Variants in STX18 observed in about 807,000 individuals in gnomAD.
STX18 encodes the protein syntaxin-18.
A neutral mutation model predicts 50.1 loss-of-function variants in STX18; 40 were observed. That is an observed-to-expected ratio of 0.80 (90% CI 0.62 to 1.04). STX18 has a LOEUF of 1.04. Ranked by LOEUF, STX18 falls within the 50% of genes least tolerant of loss-of-function variation. STX18 has a pLI of 0.00. For missense variants in STX18, 410 were observed against 415.8 expected (o/e 0.99, Z 0.12); for synonymous variants, 158 against 151.8 (o/e 1.04, Z -0.30).
At position 4,420,265 on chromosome 4, in the gene STX18, TG is replaced by T. The variant is rs1445488784; in HGVS notation, c.913-137del. 14 of 649,622 alleles carry T rather than the reference TG, an allele frequency of 2.2e-5. No homozygotes were observed. The East Asian group carries it at 3.9e-4, about 18-fold the overall frequency. The allele number at this position is 649,622 out of a possible 1,614,324, so 40.2% of individuals were successfully genotyped here. On this transcript the variant is annotated intron_variant, in intron 10 of 10. Coordinates refer to ENST00000306200, the MANE Select transcript of STX18 (RefSeq NM_016930.4). This position sits in a 1 kb window ranked among gnomAD's most constrained non-coding sequence, Gnocchi z 4.3. The stretch of plus-strand genomic sequence containing the variant: ...GGTGTCGTTCCATCTGTGCTTACCT[TG>T]AATAGATGGCTTTTGAGATCCACCA...
intron 1 of STX18, among the ~76,000 whole-genome samples, chr4:4,528,860 C>T (rs1258997477): frequency 1.3e-5 from 2 of 151,684 alleles, no homozygotes; most frequent in Non-Finnish European, 2.9e-5. Context: ...AAAGCCATCT[C>T]AGCTCCAGAG....
intron 5 of STX18, among the ~76,000 whole-genome samples, chr4:4,448,936 A>G (rs1303803439): frequency 6.6e-6 from 1 of 152,098 alleles, no homozygotes; most frequent in Non-Finnish European, 1.5e-5. Flanking sequence ...TCCTTCCAAC[A>G]ATATCTACTA....
At chr4:4,491,063 C>T (rs191724172) in intron 1 of STX18, among the ~76,000 whole-genome samples, 6 of 151,740 alleles carry the variant, frequency 4.0e-5, no homozygotes, top group African/African-American at 1.4e-4. Flanking sequence ...GTTGTTCAAA[C>T]ATTCGGCTTA....
chr4:4,489,142 T>C (rs986213890), intron 1 of STX18, among the ~76,000 whole-genome samples: 6 of 152,150 alleles, frequency 3.9e-5, no homozygotes, highest in South Asian at 2.1e-4. Flanking sequence ...TAACAAGATA[T>C]ATGTCCTTGC....
intron 1 of STX18, among the ~76,000 whole-genome samples, chr4:4,530,277 A>C (rs1388521097): frequency 6.6e-6 from 1 of 152,078 alleles, no homozygotes; most frequent in Non-Finnish European, 1.5e-5. Context: ...GTTCCCTTCC[A>C]GTCATTTCCA....
At chr4:4,453,019 C>T (rs1726848421) in intron 5 of STX18, among the ~76,000 whole-genome samples, 2 of 152,122 alleles carry the variant, frequency 1.3e-5, no homozygotes, top group South Asian at 4.2e-4. Flanking sequence ...TGCAATCTCA[C>T]GATCACACTT....
intron 1 of STX18, among the ~76,000 whole-genome samples, chr4:4,474,468 A>G (rs1464214055): frequency 1.3e-5 from 2 of 152,184 alleles, no homozygotes; most frequent in African/African-American, 4.8e-5. Flanking sequence ...CCCCAGGCCC[A>G]TCCCCCTGTA....
intron 1 of STX18, among the ~76,000 whole-genome samples, chr4:4,491,117 TA>T (rs146689302): frequency 0.052 from 7,503 of 145,272 alleles, 568 homozygotes; most frequent in African/African-American, 0.17. Context: ...TCTTGTCTCT[TA>T]AAAAAAAAAA....
intron 1 of STX18, among the ~76,000 whole-genome samples, chr4:4,475,702 G>T (rs1029402546): frequency 6.6e-6 from 1 of 152,180 alleles, no homozygotes; most frequent in African/African-American, 2.4e-5. Context: ...GGCAAAGACC[G>T]CATATTATAG....
At chr4:4,429,102 C>A (rs1464400849) in intron 7 of STX18, among the ~76,000 whole-genome samples, 2 of 152,174 alleles carry the variant, frequency 1.3e-5, no homozygotes, top group Non-Finnish European at 2.9e-5. Context: ...CAGCCTAGGA[C>A]TTGGGACCTA....
chr4:4,455,646 A>G (rs757850803), intron 5 of STX18, among the ~76,000 whole-genome samples: 26 of 152,100 alleles, frequency 1.7e-4, no homozygotes, highest in Non-Finnish European at 2.8e-4. Context: ...TCCTCCTGGG[A>G]GTCTAGAGTT....
chr4:4,459,062 G>GCACGCACACACA (rs1553837175), intron 3 of STX18, among the ~76,000 whole-genome samples: 9 of 144,282 alleles, frequency 6.2e-5, no homozygotes, highest in South Asian at 4.5e-4. Context: ...ACACACACAC[G>GCACGCACACACA]CACACACACA....
chr4:4,493,056 G>T (rs952664340), intron 1 of STX18, among the ~76,000 whole-genome samples: 1 of 152,094 alleles, frequency 6.6e-6, no homozygotes, highest in Non-Finnish European at 1.5e-5. Context: ...AAAAGATATT[G>T]CTGATCATGT....
chr4:4,420,087 A>G lies in STX18; in HGVS notation c.955T>C (p.Phe319Leu). Reference sequence around the variant, plus strand: ...AAGGAGAAGGAGCACATCACGAGGAAGAAGAGGATCCACACGCGGAAGCCA... The same window carrying G: ...AAGGAGAAGGAGCACATCACGAGGAGGAAGAGGATCCACACGCGGAAGCCA... ...NAGFRVWILFFLVMCSFSLLF... is the reference protein window; with the variant it reads ...NAGFRVWILFLLVMCSFSLLF... Residue 319 changes from phenylalanine to leucine, a missense_variant, in exon 11 of 11, where the codon TTC (phenylalanine) becomes CTC (leucine). Phe to Leu is a conservative substitution (Grantham distance 22). Transcript: ENST00000306200. This position sits in a 1 kb window ranked among gnomAD's most constrained non-coding sequence, Gnocchi z 4.3. The G allele has an allele frequency of 6.2e-7, 1 of 1,613,492 alleles. No individual in the cohort carries two copies. Among genetic ancestry groups the G allele is most frequent in the Non-Finnish European group, 8.5e-7 (1 of 1,179,706 alleles).
intron 1 of STX18, among the ~76,000 whole-genome samples, chr4:4,498,818 C>T (rs931778091): frequency 6.6e-6 from 1 of 152,074 alleles, no homozygotes; most frequent in Non-Finnish European, 1.5e-5. Context: ...AAGATGTGGA[C>T]AACGAAAGAA....
In STX18 at chr4:4,459,049, AACACACACACACGC is replaced by A. The variant is rs553525409; in HGVS notation, c.352+309_352+322del. Among the ~76,000 whole-genome samples the A allele has an allele frequency of 2.1e-3, 261 of 121,894 alleles. 4 individuals are homozygous for A. Among genetic ancestry groups the A allele is most frequent in the Middle Eastern group, 0.016 (4 of 256 alleles). 80.0% of individuals were successfully genotyped at this position (121,894 alleles called of 152,430 possible). ...CACACACATACAATTTGCCACACAG[AACACACACACACGC>A]ACACACACACACACACACACACACA... On this transcript the variant is annotated intron_variant, in intron 3 of 10. Transcript: ENST00000306200.
chr4:4,484,273 A>G (rs1560187916), intron 1 of STX18, among the ~76,000 whole-genome samples: 1 of 152,314 alleles, frequency 6.6e-6, no homozygotes, highest in East Asian at 1.9e-4. Flanking sequence ...TCCAGAATAG[A>G]ATCAATACTC....
intron 7 of STX18, among the ~76,000 whole-genome samples, chr4:4,427,303 C>T (rs956012139): frequency 6.6e-6 from 1 of 152,240 alleles, no homozygotes; most frequent in Non-Finnish European, 1.5e-5. Flanking sequence ...AACTCATCCA[C>T]AGCAGGGGGC....
At chr4:4,514,630 C>G (rs981775291) in intron 1 of STX18, among the ~76,000 whole-genome samples, 1 of 152,156 alleles carries the variant, frequency 6.6e-6, no homozygotes, top group Non-Finnish European at 1.5e-5. Context: ...AGGATAACAT[C>G]CATCTAGTCT....
Sources: allele counts gnomAD v4.1 joint callset (sites outside exome capture counted in the v4.1 genomes callset), GRCh38; gene constraint gnomAD v4.1.1; non-coding constraint Gnocchi (gnomAD v3.1); transcripts MANE v1.5; gene names NCBI Gene and HGNC (gene_info 2026-07-23, HGNC 2026-07-21).